BRD3: variants seen among roughly 807,000 people sequenced by gnomAD.
BRD3 encodes bromodomain containing 3.
A neutral mutation model predicts 66.8 loss-of-function variants in BRD3; 17 were observed. That is an observed-to-expected ratio of 0.25 (90% confidence interval 0.17 to 0.38). The LOEUF (loss-of-function observed/expected upper bound fraction) is 0.38. Among genes scored for constraint, BRD3 ranks in the 10% least tolerant of loss-of-function variants. The probability of loss-of-function intolerance (pLI) is 1.00; values close to 1 mark genes in which losing one functional copy is unlikely to be tolerated. For missense variants in BRD3, 713 were observed against 956.1 expected (o/e 0.75, Z 3.35); for synonymous variants, 421 against 393.2 (o/e 1.07, Z -0.84).
At chr9:134,049,686 C>G (rs1340210112) in intron 5 of BRD3, among the ~76,000 whole-genome samples, 1 of 152,218 alleles carries the variant, frequency 6.6e-6, no homozygotes, top group Non-Finnish European at 1.5e-5. Context: ...CTTGGGCGAG[C>G]CATTTAACCC....
rs78538270 is a variant in BRD3 at position 134,045,715 on chromosome 9, G to A, written c.1087-294C>T. ...CAAGAAATCCCAGGTTCCCGTAGGC[G>A]TCCCTTGGCCCCTTCCTTGTCCAGA... On this transcript the variant is annotated intron_variant, in intron 6 of 11. Transcript: ENST00000303407. This position sits in a 1 kb window ranked among gnomAD's most constrained non-coding sequence, Gnocchi z 4.8. Among the ~76,000 whole-genome samples, 1,977 of 152,282 alleles carry A rather than the reference G, an allele frequency of 0.013. 30 individuals are homozygous for A. The highest frequency in any genetic ancestry group is 0.032 in the African/African-American group (1,311 of 41,544).
chr9:134,058,805 C>T (rs551625391), intron 1 of BRD3: 2 of 152,460 alleles, frequency 1.3e-5, no homozygotes, highest in African/African-American at 2.4e-5. Flanking sequence ...AGTATCCCCT[C>T]GCTCAGCCCA....
intron 9 of BRD3, among the ~76,000 whole-genome samples, chr9:134,036,819 T>C (rs1829926986): frequency 6.6e-6 from 1 of 151,764 alleles, no homozygotes; most frequent in Non-Finnish European, 1.5e-5. Context: ...CCATCCTGGC[T>C]ACCACGGTGA....
intron 9 of BRD3, chr9:134,036,537 C>T (rs529775035): frequency 4.0e-5 from 64 of 1,608,374 alleles, no homozygotes; most frequent in Non-Finnish European, 4.9e-5. Flanking sequence ...TACAGAGGTT[C>T]GTTCCTCTCT....
Position 134,051,895 on chromosome 9 carries a change from T to G in BRD3, c.352-186A>C, listed in dbSNP as rs867356553. ...TGTGTGTGTTGTTTTTTTTGTTTTT[T>G]TTTTTTTTTTTTTGAGATGGAGTCT... is the stretch of plus-strand genomic sequence containing the variant. On this transcript the variant is annotated intron_variant, in intron 3 of 11. Transcript: ENST00000303407. Among the ~76,000 whole-genome samples, 107 of 110,972 alleles carry G rather than the reference T, an allele frequency of 9.6e-4. 1 individual carries two copies. The highest frequency in any genetic ancestry group is 1.6e-3 in the African/African-American group (34 of 21,724). 72.8% of individuals were successfully genotyped at this position (110,972 alleles called of 152,430 possible). A position where few individuals can be genotyped will look rare whatever the true frequency, so the allele number is the denominator to read the frequency against.
At chr9:134,066,445 G>C (rs767045450) in intron 1 of BRD3, among the ~76,000 whole-genome samples, 2 of 152,118 alleles carry the variant, frequency 1.3e-5, no homozygotes, top group Non-Finnish European at 2.9e-5. Context: ...CCCTTGCAGG[G>C]GTTCAGACCT....
chr9:134,048,756 G>A (rs951424040), intron 5 of BRD3, among the ~76,000 whole-genome samples: 2 of 152,228 alleles, frequency 1.3e-5, no homozygotes, highest in Non-Finnish European at 2.9e-5. Context: ...GGGTGGGCTC[G>A]CACCTCACAC....
intron 1 of BRD3, among the ~76,000 whole-genome samples, chr9:134,063,555 A>G (rs983679795): frequency 1.3e-5 from 2 of 152,200 alleles, no homozygotes. Context: ...ATGACAGGTT[A>G]TAGCTACAAT....
intron 9 of BRD3, among the ~76,000 whole-genome samples, chr9:134,037,023 AAAAG>A (rs1193278718): frequency 1.3e-5 from 2 of 152,110 alleles, no homozygotes; most frequent in Non-Finnish European, 1.5e-5. Flanking sequence ...GAAAAAGAAA[AAAAG>A]AAAGAAATAT....
In BRD3 at chr9:134,048,315, G is replaced by A. The variant is rs1196741073; in HGVS notation, c.854C>T (p.Pro285Leu). The change falls in exon 6 of 12, where the codon CCC (proline) becomes CTC (leucine). Residue 285 changes from proline (P) to leucine (L), a missense_variant. Around this residue, in one of 5 missense-constraint regions of BRD3, gnomAD observed 418 missense variants for 609.3 expected, o/e 0.69. Coordinates refer to ENST00000303407, the MANE Select transcript of BRD3 (RefSeq NM_007371.4). ...CAGGTCCTTCTTGGGAGGCTTGATG[G>A]GGCGGCCACCACTCTCCCGCCGGGC... The part of the protein sequence containing the change: ...VVARRESGGR[P>L]IKPPKKDLED... 5.6e-6 allele frequency: 9 copies of A among 1,600,436 alleles called. No individual in the cohort carries two copies. In the South Asian group the frequency reaches 7.7e-5, roughly 14 times the overall value.
rs201072527 is a variant in BRD3, at chr9:134,040,048, C to T, written c.1629G>A (p.Thr543=). 1.3e-5 allele frequency: 20 copies of T among 1,591,904 alleles called. No homozygotes were observed. The highest frequency in any genetic ancestry group is 6.8e-5 in the East Asian group (3 of 43,936). Residue 543 remains threonine (T), a synonymous_variant, in exon 9 of 12, where the codon ACG becomes ACA. Transcript: ENST00000303407. ...CTGGAGCCCACCTGCCGGCCGTGGT[C>T]GTGCTGTTGGCCTTCTTGGCAGGAG... ...KKAPAKKANS[T]TTAGRQLKKG... is the part of the protein sequence containing the mutation.
rs74931708 is a variant in BRD3 at position 134,041,222 on chromosome 9, A to G, written c.1407+538T>C. 1.4e-4 allele frequency among the ~76,000 whole-genome samples: 21 copies of G among 152,332 alleles called. No homozygotes were observed. In the East Asian group the frequency reaches 4.0e-3, roughly 29 times the overall value. On this transcript the variant is annotated intron_variant, in intron 8 of 11. Transcript: ENST00000303407. ...GGCTGGCTGCCAGAGGTCTGGGGAA[A>G]CAATTCACATCTTTCTCAATCTGAC...
chr9:134,041,602 T>C (rs1830047627), intron 8 of BRD3, among the ~76,000 whole-genome samples, 158 bp downstream of exon 8: 1 of 152,092 alleles, frequency 6.6e-6, no homozygotes, highest in Admixed American at 6.5e-5. Flanking sequence ...ACCCCAGACC[T>C]GGGGAGGGCA....
intron 1 of BRD3, among the ~76,000 whole-genome samples, chr9:134,059,212 C>T (rs531097002): frequency 6.6e-5 from 10 of 152,328 alleles, no homozygotes; most frequent in South Asian, 2.1e-4. Flanking sequence ...TGCCCCCGCC[C>T]GCGGAAGCTG....
At chr9:134,039,869 A>G (rs569624951) in intron 9 of BRD3, among the ~76,000 whole-genome samples, 165 bp downstream of exon 9, 29 of 152,092 alleles carry the variant, frequency 1.9e-4, no homozygotes, top group Admixed American at 1.1e-3. Flanking sequence ...GGGCCCCCGG[A>G]CTTCCCAGCA....
chr9:134,046,931 A>G (rs189208331), intron 6 of BRD3, among the ~76,000 whole-genome samples: 34 of 152,292 alleles, frequency 2.2e-4, no homozygotes, highest in Non-Finnish European at 1.2e-4. Context: ...AAACACTGGA[A>G]CCCCCCATGA....
intron 8 of BRD3, 151 bp from the exon 9 acceptor site, chr9:134,040,420 GC>G (rs1479907545): frequency 1.2e-6 from 1 of 856,750 alleles, no homozygotes; most frequent in South Asian, 1.8e-5. Flanking sequence ...GCCCTGCTCT[GC>G]CCCTCACTCC....
intron 1 of BRD3, among the ~76,000 whole-genome samples, chr9:134,065,245 A>G (rs972912166): frequency 1.3e-4 from 20 of 152,306 alleles, no homozygotes; most frequent in African/African-American, 4.6e-4. Context: ...CAACACAGTG[A>G]AACCCTGTCT....
In BRD3 at chr9:134,031,352, C is replaced by T. The variant is rs1237987244; in HGVS notation, c.*2238G>A. On this transcript the variant is annotated 3_prime_UTR_variant, in exon 12 of 12. Coordinates refer to ENST00000303407, the MANE Select transcript of BRD3 (RefSeq NM_007371.4). ...GAGCGCCCCCCAGCCCCAGGCACCC[C>T]CGGCTTAGGGTGTACGTATCACCCA... The T allele has an allele frequency of 4.8e-6, 1 of 208,308 alleles. No individual in the cohort carries two copies. Among genetic ancestry groups the T allele is most frequent in the Non-Finnish European group, 9.8e-6 (1 of 102,256 alleles). 12.9% of individuals were successfully genotyped at this position (208,308 alleles called of 1,614,324 possible). A position where few individuals can be genotyped will look rare whatever the true frequency, so the allele number is the denominator to read the frequency against.
Sources: allele counts gnomAD v4.1 joint callset (sites outside exome capture counted in the v4.1 genomes callset), GRCh38; gene constraint gnomAD v4.1.1; regional missense constraint gnomAD v4.1.1; non-coding constraint Gnocchi (gnomAD v3.1); transcripts MANE v1.5; gene names NCBI Gene and HGNC (gene_info 2026-07-23, HGNC 2026-07-21).